FMN2: variants seen among roughly 807,000 people sequenced by gnomAD.
FMN2 encodes the protein formin-2.
FMN2 carries 51 observed loss-of-function variants against 142.3 expected under a neutral mutation model. The observed-to-expected ratio is 0.36, with a 90% CI of 0.29 to 0.45. The LOEUF is 0.45. Among genes scored for constraint, FMN2 ranks in the 20% least tolerant of loss-of-function variants. The pLI is 1.00. For synonymous variants in FMN2, 882 were observed against 869.8 expected (o/e 1.01, Z -0.25); for missense variants, 1,936 against 2,122.8 (o/e 0.91, Z 1.73).
intron 7 of FMN2, among the ~76,000 whole-genome samples, chr1:240,269,858 C>G (rs1346957178): frequency 6.6e-6 from 1 of 151,596 alleles, no homozygotes; most frequent in Non-Finnish European, 1.5e-5. Context: ...TATAGAAATG[C>G]TTCTGATTTT....
intron 15 of FMN2, among the ~76,000 whole-genome samples, chr1:240,427,602 G>A (rs1675003291): frequency 6.6e-6 from 1 of 152,096 alleles, no homozygotes; most frequent in South Asian, 2.1e-4. Flanking sequence ...TTCACAATAG[G>A]TGCCCCTATG....
intron 15 of FMN2, among the ~76,000 whole-genome samples, chr1:240,428,055 TCTTTC>T (rs140569203): frequency 0.033 from 5,048 of 152,282 alleles, 258 homozygotes; most frequent in African/African-American, 0.12. Flanking sequence ...AATGCAGGAT[TCTTTC>T]CTTTAGTTTA....
chr1:240,329,087 A>G lies in FMN2; in HGVS notation c.4227A>G (p.Ser1409=), dbSNP rs1572199474. Residue 1409 remains serine, a synonymous_variant, in exon 9 of 18, where the codon TCA becomes TCG. Coordinates refer to ENST00000319653, the MANE Select transcript of FMN2 (RefSeq NM_020066.5). ...TTTTGTTTTTCTAGAGAGCACAGTC[A>G]GACGAACTCGAAAAAATAGAAAAGC... ...LQALYENRAQ[S]DELEKIEKHG... 3.7e-6 allele frequency: 6 copies of G among 1,614,116 alleles called. No individual in the cohort carries two copies. The highest frequency in any genetic ancestry group is 5.1e-6 in the Non-Finnish European group (6 of 1,179,982).
chr1:240,455,875 T>A (rs577323841), intron 16 of FMN2, among the ~76,000 whole-genome samples: 1 of 152,070 alleles, frequency 6.6e-6, no homozygotes, highest in East Asian at 1.9e-4. Context: ...CTCAGGAGGC[T>A]GAGACAGGAG....
At chr1:240,472,582 C>T in intron 17 of FMN2, 129 bp downstream of exon 17, 3 of 567,444 alleles carry the variant, frequency 5.3e-6, no homozygotes, top group Non-Finnish European at 5.9e-6. Context: ...CTTCTGACTT[C>T]AAGAATCTCC....
chr1:240,275,630 T>G (rs143201754), intron 7 of FMN2, among the ~76,000 whole-genome samples: 9,794 of 152,186 alleles, frequency 0.064, 319 homozygotes, highest in East Asian at 0.12. Flanking sequence ...CTGGGTCAAA[T>G]GGTATTTCTG....
intron 8 of FMN2, among the ~76,000 whole-genome samples, chr1:240,319,308 A>C (rs1033042092): frequency 1.3e-5 from 2 of 152,166 alleles, no homozygotes; most frequent in African/African-American, 2.4e-5. Flanking sequence ...TACATTATGA[A>C]ATTGGAGAGA....
At chr1:240,120,854 A>G (rs976887398) in intron 1 of FMN2, among the ~76,000 whole-genome samples, 27 of 152,184 alleles carry the variant, frequency 1.8e-4, no homozygotes. Flanking sequence ...AGCTACATAA[A>G]TGTTTGAAAG....
chr1:240,187,297 G>GA (rs1445038838), intron 3 of FMN2, among the ~76,000 whole-genome samples: 1 of 137,900 alleles, frequency 7.3e-6, no homozygotes, highest in Non-Finnish European at 1.6e-5. Flanking sequence ...AAAAAGAAAA[G>GA]AAAAAAACAA....
chr1:240,092,712 G>C lies in FMN2; in HGVS notation c.603G>C (p.Gln201His). 1 of 1,613,750 alleles carries C rather than the reference G, an allele frequency of 6.2e-7. No homozygotes were observed. The highest frequency in any genetic ancestry group is 8.5e-7 in the Non-Finnish European group (1 of 1,179,954). ...AGGATTTGCTTTCAGACATCCAGCA[G>C]GCGATCCGCCTGCAGCAGCAGCAGC... ...EQEDLLSDIQQAIRLQQQQQQ... is the reference protein window; with the variant it reads ...EQEDLLSDIQHAIRLQQQQQQ... Residue 201 changes from glutamine to histidine, a missense_variant, in exon 1 of 18, where the codon CAG becomes CAC. Physicochemically the swap from Gln to His is conservative, Grantham distance 24 (BLOSUM62 0). Around this residue, in one of 8 missense-constraint regions of FMN2, gnomAD observed 751 missense variants for 791.8 expected, o/e 0.95. Coordinates refer to ENST00000319653, the MANE Select transcript of FMN2 (RefSeq NM_020066.5).
At chr1:240,105,352 A>G (rs1431062939) in intron 1 of FMN2, among the ~76,000 whole-genome samples, 3 of 151,442 alleles carry the variant, frequency 2.0e-5, no homozygotes, top group African/African-American at 7.3e-5. Flanking sequence ...CAAGTGATCC[A>G]CTCACCTCGG....
At chr1:240,096,002 G>A (rs185045975) in intron 1 of FMN2, among the ~76,000 whole-genome samples, 47 of 152,212 alleles carry the variant, frequency 3.1e-4, no homozygotes, top group Middle Eastern at 6.8e-3. Context: ...AGCAGCTTCC[G>A]TATGTTTATG....
intron 14 of FMN2, among the ~76,000 whole-genome samples, chr1:240,376,408 C>A (rs1437022277): frequency 1.3e-5 from 2 of 151,670 alleles, no homozygotes; most frequent in African/African-American, 4.8e-5. Flanking sequence ...TTCTTTTTTT[C>A]TTTCCCTTTT....
chr1:240,394,547 G>T (rs1048432476), intron 15 of FMN2, among the ~76,000 whole-genome samples: 1 of 152,212 alleles, frequency 6.6e-6, no homozygotes, highest in African/African-American at 2.4e-5. Context: ...CTATCCAGAA[G>T]ATCTAAGATA....
chr1:240,154,107 CA>C (rs3047182), intron 2 of FMN2, among the ~76,000 whole-genome samples: 765 of 55,294 alleles, frequency 0.014, 9 homozygotes, highest in African/African-American at 0.045. Flanking sequence ...GAGATTCCAT[CA>C]AAAAAAAAAA....
At chr1:240,248,432 G>GATATATATATATATAT (rs36215850) in intron 6 of FMN2, among the ~76,000 whole-genome samples, 2 of 142,442 alleles carry the variant, frequency 1.4e-5, no homozygotes, top group African/African-American at 5.1e-5. Flanking sequence ...CATGTGATTG[G>GATATATATATATATAT]ATATATATAT....
At chr1:240,313,811 T>C (rs1320501878) in intron 8 of FMN2, among the ~76,000 whole-genome samples, 1 of 151,854 alleles carries the variant, frequency 6.6e-6, no homozygotes, top group Non-Finnish European at 1.5e-5. Context: ...CTACTAGAAA[T>C]ACAAATACAA....
chr1:240,106,531 T>C (rs936664415), intron 1 of FMN2, among the ~76,000 whole-genome samples: 9 of 152,210 alleles, frequency 5.9e-5, no homozygotes, highest in African/African-American at 2.2e-4. Flanking sequence ...CAAAGCTCTT[T>C]ACCCAGTTTC....
chr1:240,314,619 G>A (rs534815768), intron 8 of FMN2, among the ~76,000 whole-genome samples: 28 of 152,252 alleles, frequency 1.8e-4, no homozygotes, highest in East Asian at 5.8e-4. Context: ...TTTCATGTTC[G>A]TTTCATCCTA....
Sources: allele counts gnomAD v4.1 joint callset (sites outside exome capture counted in the v4.1 genomes callset), GRCh38; gene constraint gnomAD v4.1.1; regional missense constraint gnomAD v4.1.1; transcripts MANE v1.5; gene names NCBI Gene and HGNC (gene_info 2026-07-23, HGNC 2026-07-21).